SLC30A9: variants seen among roughly 807,000 people sequenced by gnomAD.
SLC30A9 encodes the protein solute carrier family 30 member 9.
SLC30A9 carries 58 observed loss-of-function variants against 87.5 expected under a neutral mutation model. That is an observed-to-expected ratio of 0.66 (90% CI 0.54 to 0.82). SLC30A9 has a LOEUF of 0.82. Ranked by LOEUF, SLC30A9 falls within the 40% of genes least tolerant of loss-of-function variation. The pLI is 0.00. For missense variants in SLC30A9, 557 were observed against 679.1 expected (o/e 0.82, Z 2.00); for synonymous variants, 234 against 233.0 (o/e 1.00, Z -0.04).
rs754004466 is a variant in SLC30A9 at position 42,066,633 on chromosome 4, A to G, written c.1144+12A>G. 1.3e-6 allele frequency: 2 copies of G among 1,585,260 alleles called. No individual in the cohort carries two copies. Among genetic ancestry groups the G allele is most frequent in the South Asian group, 2.3e-5 (2 of 88,876 alleles). ...ATTTTACAAGTATGGTATGTATTTT[A>G]GAAACCAAGTGTTTGTTTCACCTCC... On this transcript the variant is annotated intron_variant, in intron 13 of 17. Transcript: ENST00000264451.
intron 11 of SLC30A9, among the ~76,000 whole-genome samples, chr4:42,064,018 TCTA>T (rs1343359936): frequency 1.3e-5 from 2 of 152,218 alleles, no homozygotes; most frequent in Non-Finnish European, 2.9e-5. Flanking sequence ...AGCCCAATGA[TCTA>T]CTCTGCTGAT....
At chr4:42,005,206 T>C (rs1289269386) in intron 2 of SLC30A9, among the ~76,000 whole-genome samples, 1 of 152,192 alleles carries the variant, frequency 6.6e-6, no homozygotes, top group Non-Finnish European at 1.5e-5. Context: ...ATGATGTTTT[T>C]GTATCTTGAA....
chr4:42,088,023 A>G lies in SLC30A9; in HGVS notation c.*1897A>G, dbSNP rs1718983513. The G allele has an allele frequency of 6.6e-6, 1 of 152,026 alleles. No homozygotes were observed. Among genetic ancestry groups the G allele is most frequent in the Admixed American group, 6.6e-5 (1 of 15,264 alleles). The allele number at this position is 152,026 out of a possible 1,614,324, so 9.4% of individuals were successfully genotyped here. ...TTTTTTAGGATTCCCTAATAAAAAAAAAAAAAATTCTGATATTTCTTTTTA... is the reference window on the plus strand; with the variant it reads ...TTTTTTAGGATTCCCTAATAAAAAAGAAAAAAATTCTGATATTTCTTTTTA... On this transcript the variant is annotated 3_prime_UTR_variant, in exon 18 of 18. Coordinates refer to ENST00000264451, the MANE Select transcript of SLC30A9 (RefSeq NM_006345.4).
chr4:42,074,925 T>G (rs1718459022), intron 15 of SLC30A9, among the ~76,000 whole-genome samples: 1 of 149,244 alleles, frequency 6.7e-6, no homozygotes, highest in Non-Finnish European at 1.5e-5. Context: ...TAAAACAAAT[T>G]TTTATATGGC....
chr4:42,068,086 C>T (rs1477417121), intron 14 of SLC30A9, among the ~76,000 whole-genome samples: 1 of 152,008 alleles, frequency 6.6e-6, no homozygotes, highest in African/African-American at 2.4e-5. Flanking sequence ...CACTGATTCA[C>T]CAAAAATTGG....
chr4:42,039,091 AT>A, intron 8 of SLC30A9, 38 bp downstream of exon 8: 1 of 1,374,564 alleles, frequency 7.3e-7, no homozygotes, highest in African/African-American at 1.4e-5. Flanking sequence ...AATAGAATAT[AT>A]TCTTTTAAAT....
chr4:42,000,101 AGAG>A, intron 1 of SLC30A9, among the ~76,000 whole-genome samples: 1 of 152,210 alleles, frequency 6.6e-6, no homozygotes, highest in African/African-American at 2.4e-5. Context: ...TAAAAACAAA[AGAG>A]AACACTGAAA....
intron 7 of SLC30A9, 57 bp from the exon 8 acceptor site, chr4:42,038,929 A>G (rs1330452508): frequency 8.5e-7 from 1 of 1,179,488 alleles, no homozygotes; most frequent in Non-Finnish European, 1.3e-6. Flanking sequence ...GCCACCAGTT[A>G]CAGTGCTTCT....
chr4:42,005,185 C>T (rs886342599), intron 2 of SLC30A9, among the ~76,000 whole-genome samples: 7 of 152,176 alleles, frequency 4.6e-5, no homozygotes, highest in East Asian at 3.9e-4. Context: ...ACTGTGAGTT[C>T]TTCATTTTCC....
chr4:41,997,263 G>C (rs1386370834), intron 1 of SLC30A9, among the ~76,000 whole-genome samples: 2 of 151,826 alleles, frequency 1.3e-5, no homozygotes, highest in Non-Finnish European at 1.5e-5. Flanking sequence ...ACTTTTGCTT[G>C]CTACATGATT....
At chr4:42,024,442 G>T (rs1453332157) in intron 6 of SLC30A9, among the ~76,000 whole-genome samples, 1 of 152,116 alleles carries the variant, frequency 6.6e-6, no homozygotes, top group Non-Finnish European at 1.5e-5. Flanking sequence ...TTTAACAGTT[G>T]TATAGTACCC....
intron 6 of SLC30A9, among the ~76,000 whole-genome samples, chr4:42,033,636 C>T (rs1577697619): frequency 6.6e-6 from 1 of 152,202 alleles, no homozygotes; most frequent in Non-Finnish European, 1.5e-5. Context: ...AGTGCAGTGG[C>T]ACGATCTTGG....
intron 17 of SLC30A9, among the ~76,000 whole-genome samples, chr4:42,085,455 G>A (rs765049973): frequency 2.0e-5 from 3 of 152,342 alleles, no homozygotes; most frequent in Non-Finnish European, 2.9e-5. Flanking sequence ...GATGGAAATA[G>A]TAATTAGGTT....
intron 11 of SLC30A9, among the ~76,000 whole-genome samples, 150 bp from the exon 12 acceptor site, chr4:42,065,157 GTCC>G (rs1309687760): frequency 1.3e-5 from 2 of 152,142 alleles, no homozygotes; most frequent in Non-Finnish European, 2.9e-5. Flanking sequence ...ATATCTCATT[GTCC>G]TCCTCATTTG....
intron 8 of SLC30A9, among the ~76,000 whole-genome samples, chr4:42,040,573 G>A (rs1008258039): frequency 1.3e-5 from 2 of 151,860 alleles, no homozygotes; most frequent in South Asian, 2.1e-4. Flanking sequence ...GGGAGACCTC[G>A]TGATCCGAGG....
chr4:42,064,575 T>A (rs1718007407), intron 11 of SLC30A9, among the ~76,000 whole-genome samples: 1 of 152,220 alleles, frequency 6.6e-6, no homozygotes, highest in Non-Finnish European at 1.5e-5. Context: ...TTTGGCCACT[T>A]TATGGGTACT....
chr4:42,066,655 C>T, intron 13 of SLC30A9, 34 bp downstream of exon 13: 1 of 1,432,074 alleles, frequency 7.0e-7, no homozygotes, highest in African/African-American at 1.4e-5. Flanking sequence ...TTTGTTTCAC[C>T]TCCCTTATTT....
intron 4 of SLC30A9, among the ~76,000 whole-genome samples, chr4:42,022,402 A>AT (rs1197250516): frequency 1.3e-4 from 19 of 148,642 alleles, no homozygotes; most frequent in Non-Finnish European, 2.2e-4. Flanking sequence ...TAATTTTTGT[A>AT]TTTTTTTTTA....
rs116574864 is a variant in SLC30A9 at position 42,073,883 on chromosome 4, A to G, written c.1419-1774A>G. 7.7e-4 allele frequency among the ~76,000 whole-genome samples: 117 copies of G among 152,322 alleles called. 1 individual carries two copies. Among genetic ancestry groups the G allele is most frequent in the African/African-American group, 2.7e-3 (113 of 41,580 alleles). On this transcript the variant is annotated intron_variant, in intron 15 of 17. Transcript: ENST00000264451. ...GAGGAGATCACACAAGGGCTTGCGT[A>G]TAGGTGGCAGGGATTGATCATATGG...
Sources: gnomAD v4.1 joint callset for allele counts (sites outside exome capture counted in the v4.1 genomes callset) on GRCh38, gnomAD v4.1.1 for gene constraint, MANE v1.5 for transcripts, NCBI Gene and HGNC (gene_info 2026-07-23, HGNC 2026-07-21) for gene names.